CNTNAP2: variants seen among roughly 807,000 people sequenced by gnomAD.
CNTNAP2 encodes contactin associated protein 2, also known as contactin-associated protein-like 2.
A neutral mutation model predicts 155.2 loss-of-function variants in CNTNAP2; 98 were observed. That is an observed-to-expected ratio of 0.63 (90% confidence interval 0.54 to 0.75). The LOEUF (loss-of-function observed/expected upper bound fraction) is 0.75, where lower values mean the gene tolerates loss of function less well. Ranked by LOEUF, CNTNAP2 falls within the 30% of genes least tolerant of loss-of-function variation. The pLI, the probability that CNTNAP2 is intolerant of heterozygous loss-of-function variation, is 0.00. For missense variants in CNTNAP2, 1,727 were observed against 1,688.1 expected, an observed-to-expected ratio of 1.02 and a Z score of -0.40; for synonymous variants, 651 against 631.2, an observed-to-expected ratio of 1.03 and a Z score of -0.47.
intron 10 of CNTNAP2, among the ~76,000 whole-genome samples, chr7:147,469,354 C>T (rs1798172735): frequency 1.3e-5 from 2 of 151,930 alleles, no homozygotes; most frequent in Admixed American, 1.3e-4. Flanking sequence ...CTGAAAACCC[C>T]TAATTGAAGT....
chr7:146,629,817 C>A (rs1799481135), intron 1 of CNTNAP2, among the ~76,000 whole-genome samples: 1 of 152,070 alleles, frequency 6.6e-6, no homozygotes, highest in Admixed American at 6.6e-5. Flanking sequence ...GACTGGTTCA[C>A]ACAGAAACTG....
Position 148,267,017 on chromosome 7 carries a change from T to G in CNTNAP2, c.3382-16T>G. On this transcript the variant is annotated splice_polypyrimidine_tract_variant and intron_variant, in intron 20 of 23. Transcript: ENST00000361727. ...GAGACGTGCTTCTAAAAGTGTCTCT[T>G]GTTTTCCTCCTGCAGCTCGATCATT... 6.2e-7 allele frequency: 1 copy of G among 1,612,924 alleles called. No homozygotes were observed. Among genetic ancestry groups the G allele is most frequent in the Non-Finnish European group, 8.5e-7 (1 of 1,178,880 alleles).
chr7:146,643,588 T>C (rs1417625798), intron 1 of CNTNAP2, among the ~76,000 whole-genome samples: 1 of 152,112 alleles, frequency 6.6e-6, no homozygotes, highest in African/African-American at 2.4e-5. Context: ...TGAAGTCAGG[T>C]AGCGTGATGC....
rs1436610334 is a variant in CNTNAP2, at chr7:148,291,902, AC to A, written c.3475+24778del. Reference sequence around the variant, plus strand: ...AAATCTTAAGGGCCAGGAAAAGGGCACCAAAATCCAGCCTTTGACATCTCAG... The same window carrying A: ...AAATCTTAAGGGCCAGGAAAAGGGCACAAAATCCAGCCTTTGACATCTCAG... On this transcript the variant is annotated intron_variant, in intron 21 of 23. Coordinates refer to ENST00000361727, the MANE Select transcript of CNTNAP2 (RefSeq NM_014141.6). Among the ~76,000 whole-genome samples, 8 of 152,328 alleles carry A rather than the reference AC, an allele frequency of 5.3e-5. No homozygotes were observed. In the East Asian group the frequency reaches 1.5e-3, roughly 29 times the overall value.
At chr7:148,203,412 A>T (rs547446384) in intron 18 of CNTNAP2, among the ~76,000 whole-genome samples, 16 of 152,282 alleles carry the variant, frequency 1.1e-4, no homozygotes, top group African/African-American at 3.9e-4. Flanking sequence ...AGTATGACAA[A>T]CTCTTTGGAA....
At chr7:146,911,729 C>T (rs909467035) in intron 3 of CNTNAP2, among the ~76,000 whole-genome samples, 68 of 151,516 alleles carry the variant, frequency 4.5e-4, no homozygotes, top group African/African-American at 1.3e-3. Flanking sequence ...GTGGGTGCAG[C>T]GCACCAGCAT....
chr7:147,820,610 TCTC>T (rs1157856514), intron 13 of CNTNAP2, among the ~76,000 whole-genome samples: 4 of 152,132 alleles, frequency 2.6e-5, no homozygotes, highest in African/African-American at 7.2e-5. Flanking sequence ...TAAAAAATAT[TCTC>T]CTATGTTTTC....
chr7:146,930,156 A>T (rs1162879684), intron 3 of CNTNAP2, among the ~76,000 whole-genome samples: 1 of 152,194 alleles, frequency 6.6e-6, no homozygotes, highest in Non-Finnish European at 1.5e-5. Context: ...CAAAGTTGAA[A>T]TGAAGGAAAA....
chr7:147,091,830 TCTC>T (rs1357437419), intron 4 of CNTNAP2, among the ~76,000 whole-genome samples: 1 of 152,114 alleles, frequency 6.6e-6, no homozygotes, highest in Non-Finnish European at 1.5e-5. Flanking sequence ...ATGATCTCGA[TCTC>T]CTGACCTCGT....
chr7:148,345,824 C>T (rs1054897279), intron 21 of CNTNAP2, among the ~76,000 whole-genome samples: 1 of 151,932 alleles, frequency 6.6e-6, no homozygotes, highest in African/African-American at 2.4e-5. Context: ...TCTAAACTTC[C>T]GTATTTTTAT....
At chr7:147,433,108 A>G (rs896523783) in intron 10 of CNTNAP2, among the ~76,000 whole-genome samples, 2 of 152,174 alleles carry the variant, frequency 1.3e-5, no homozygotes, top group African/African-American at 4.8e-5. Context: ...TTGCACTAAA[A>G]AATGTCCTTG....
chr7:146,893,200 A>C (rs1164872058), intron 3 of CNTNAP2, among the ~76,000 whole-genome samples: 5 of 152,048 alleles, frequency 3.3e-5, no homozygotes, highest in Non-Finnish European at 5.9e-5. Context: ...GTATATAATG[A>C]GCTATTTCAT....
At chr7:146,433,532 A>G (rs950552289) in intron 1 of CNTNAP2, among the ~76,000 whole-genome samples, 1 of 152,074 alleles carries the variant, frequency 6.6e-6, no homozygotes, top group Non-Finnish European at 1.5e-5. Flanking sequence ...ATGTGTGTAC[A>G]TATATATATT....
At chr7:147,629,639 C>G (rs1795048859) in intron 12 of CNTNAP2, among the ~76,000 whole-genome samples, 1 of 151,660 alleles carries the variant, frequency 6.6e-6, no homozygotes, top group South Asian at 2.1e-4. Context: ...TCTCTCAGAC[C>G]ACAGTGGAAA....
chr7:148,207,024 G>A (rs1357107943), intron 18 of CNTNAP2, among the ~76,000 whole-genome samples: 1 of 152,162 alleles, frequency 6.6e-6, no homozygotes, highest in African/African-American at 2.4e-5. Flanking sequence ...TTGTAATGCT[G>A]TGTTTGCTCT....
At chr7:148,329,021 A>T (rs2116552440) in intron 21 of CNTNAP2, among the ~76,000 whole-genome samples, 1 of 144,612 alleles carries the variant, frequency 6.9e-6, no homozygotes, top group East Asian at 2.1e-4. Flanking sequence ...ATCCCAGGGA[A>T]TTCAGTTCAA....
At chr7:146,545,714 T>A (rs1255559287) in intron 1 of CNTNAP2, among the ~76,000 whole-genome samples, 1 of 151,896 alleles carries the variant, frequency 6.6e-6, no homozygotes, top group Non-Finnish European at 1.5e-5. Context: ...GAAATAGGAA[T>A]GCTTTTACAC....
chr7:147,729,150 G>A lies in CNTNAP2; in HGVS notation c.2098+89844G>A, dbSNP rs909796517. 4.6e-5 allele frequency among the ~76,000 whole-genome samples: 7 copies of A among 151,750 alleles called. No homozygotes were observed. In the East Asian group the frequency reaches 1.4e-3, roughly 30 times the overall value. On this transcript the variant is annotated intron_variant, in intron 13 of 23. Transcript: ENST00000361727. ...GAGGTCTCACTATGTTGTACAGGCT[G>A]ATCTTGAACTCCAGAGCTCAAGTGA...
intron 1 of CNTNAP2, among the ~76,000 whole-genome samples, chr7:146,264,674 T>C (rs760556660): frequency 6.6e-6 from 1 of 151,870 alleles, no homozygotes; most frequent in Non-Finnish European, 1.5e-5. Flanking sequence ...CCTGAAATAA[T>C]AGGGTAAAGT....
Sources: allele counts gnomAD v4.1 joint callset (sites outside exome capture counted in the v4.1 genomes callset), GRCh38; gene constraint gnomAD v4.1.1; transcripts MANE v1.5; gene names NCBI Gene and HGNC (gene_info 2026-07-23, HGNC 2026-07-21).